EYS: variants seen among roughly 807,000 people sequenced by gnomAD.
The protein encoded by EYS is EGF-like photoreceptor maintenance factor.
In EYS, 250 loss-of-function variants were observed where a neutral mutation model predicts 282.1. That is an observed-to-expected ratio of 0.89 (90% CI 0.80 to 0.98). EYS has a LOEUF of 0.98. Ranked by LOEUF, EYS falls within the 50% of genes least tolerant of loss-of-function variation. The pLI is 0.00. For synonymous variants in EYS, 1,355 were observed against 1,282.9 expected, an observed-to-expected ratio of 1.06 and a Z score of -1.20; for missense variants, 4,016 against 3,709.0, an observed-to-expected ratio of 1.08 and a Z score of -2.15.
intron 33 of EYS, among the ~76,000 whole-genome samples, chr6:64,064,087 G>A (rs1316151464): frequency 6.6e-6 from 1 of 152,010 alleles, no homozygotes; most frequent in Non-Finnish European, 1.5e-5. Flanking sequence ...AAGCTCTTTG[G>A]TCTCTCTAGC....
intron 33 of EYS, among the ~76,000 whole-genome samples, chr6:64,032,236 C>T (rs1395507842): frequency 2.0e-5 from 3 of 152,010 alleles, no homozygotes; most frequent in Admixed American, 6.5e-5. Context: ...AATAAACTCC[C>T]GACGCACCAC....
Position 63,721,688 on chromosome 6 carries a change from A to G in EYS, c.8343T>C (p.Ser2781=), listed in dbSNP as rs1290840039. The change falls in exon 43 of 43, where the codon AGT becomes AGC. Residue 2781 remains serine, a synonymous_variant. Coordinates refer to ENST00000503581, the MANE Select transcript of EYS (RefSeq NM_001142800.2). ...ETLQKVTING[S]TWHIIKAGRV... is the part of the protein sequence containing the mutation. ...TTCCTGCTTTTATTATATGCCAAGT[A>G]CTTCCGTTTATAGTTACTTTTTGGA... The G allele has an allele frequency of 6.4e-7, 1 of 1,551,426 alleles. No individual in the cohort carries two copies. Among genetic ancestry groups the G allele is most frequent in the Non-Finnish European group, 8.7e-7 (1 of 1,146,764 alleles).
chr6:65,263,505 A>G (rs1259443042), intron 12 of EYS, among the ~76,000 whole-genome samples: 1 of 152,144 alleles, frequency 6.6e-6, no homozygotes, highest in Non-Finnish European at 1.5e-5. Context: ...CAGAAAATTA[A>G]TAAAAACTAA....
At chr6:65,701,671 AT>A (rs1300388984) in intron 1 of EYS, among the ~76,000 whole-genome samples, 2 of 151,620 alleles carry the variant, frequency 1.3e-5, no homozygotes, top group African/African-American at 2.4e-5. Context: ...TTATTTCTTG[AT>A]TTTTTTTCTC....
At chr6:64,420,300 G>T (rs534413851) in intron 28 of EYS, among the ~76,000 whole-genome samples, 1 of 152,204 alleles carries the variant, frequency 6.6e-6, no homozygotes, top group East Asian at 1.9e-4. Flanking sequence ...GGGGGAGCCT[G>T]GGCCTGGCCT....
chr6:64,204,328 C>T (rs1020134932), intron 31 of EYS, among the ~76,000 whole-genome samples: 10 of 152,092 alleles, frequency 6.6e-5, no homozygotes, highest in Non-Finnish European at 1.2e-4. Context: ...TAAAGTTAAA[C>T]GTAAACCTAC....
At chr6:63,987,364 A>T (rs908979986) in intron 34 of EYS, among the ~76,000 whole-genome samples, 15 of 151,654 alleles carry the variant, frequency 9.9e-5, no homozygotes, top group African/African-American at 3.6e-4. Context: ...CAATAAATTC[A>T]CTTCTCACAT....
intron 12 of EYS, among the ~76,000 whole-genome samples, chr6:65,213,927 G>A (rs1398599074): frequency 1.3e-5 from 2 of 151,964 alleles, no homozygotes; most frequent in African/African-American, 2.4e-5. Flanking sequence ...TTGGGAGGCC[G>A]AGGCAGGCAG....
intron 36 of EYS, among the ~76,000 whole-genome samples, chr6:63,820,342 G>C (rs1365112430): frequency 1.3e-5 from 2 of 152,094 alleles, no homozygotes; most frequent in Non-Finnish European, 2.9e-5. Flanking sequence ...CAATACTAAA[G>C]AGCTCTTTGA....
Position 65,004,095 on chromosome 6 carries a change from G to A in EYS, c.2138-6392C>T, listed in dbSNP as rs150085359. Among the ~76,000 whole-genome samples, 27 of 147,284 alleles carry A rather than the reference G, an allele frequency of 1.8e-4. 2 individuals are homozygous for A. The highest frequency in any genetic ancestry group is 3.2e-4 in the Non-Finnish European group (21 of 65,886). On this transcript the variant is annotated intron_variant, in intron 13 of 42. Coordinates refer to ENST00000503581, the MANE Select transcript of EYS (RefSeq NM_001142800.2). ...AGTGTGAGTGTGTGGGGTGATATATGTATAAAATAGGCTAAACTAATGTTA... is the reference window on the plus strand; with the variant it reads ...AGTGTGAGTGTGTGGGGTGATATATATATAAAATAGGCTAAACTAATGTTA...
intron 22 of EYS, among the ~76,000 whole-genome samples, chr6:64,714,779 GC>G (rs1257125103): frequency 5.9e-5 from 9 of 151,994 alleles, no homozygotes; most frequent in Non-Finnish European, 1.3e-4. Flanking sequence ...GCCTGCCTCG[GC>G]CTCCCAAAGT....
intron 35 of EYS, among the ~76,000 whole-genome samples, chr6:63,912,451 T>A (rs917970520): frequency 6.6e-6 from 1 of 152,206 alleles, no homozygotes; most frequent in Non-Finnish European, 1.5e-5. Flanking sequence ...TTGCAACATA[T>A]AATCAATATT....
chr6:64,291,045 CGGAGCGGG>C (rs1768688666), intron 30 of EYS, among the ~76,000 whole-genome samples: 3 of 120,950 alleles, frequency 2.5e-5, no homozygotes, highest in Non-Finnish European at 3.4e-5. Flanking sequence ...GTTTATATTA[CGGAGCGGG>C]TATATAAGCT....
intron 12 of EYS, among the ~76,000 whole-genome samples, chr6:65,253,225 T>C (rs1277909177): frequency 3.3e-5 from 5 of 152,012 alleles, no homozygotes; most frequent in African/African-American, 1.2e-4. Flanking sequence ...CTGTAGCTCT[T>C]GCTGTTGGAC....
intron 14 of EYS, among the ~76,000 whole-genome samples, chr6:64,996,769 C>G (rs1400938807): frequency 6.6e-6 from 1 of 152,210 alleles, no homozygotes; most frequent in Non-Finnish European, 1.5e-5. Flanking sequence ...AGTGCACTGA[C>G]AGTCAAAATA....
chr6:65,260,967 A>G (rs1404252469), intron 12 of EYS, among the ~76,000 whole-genome samples: 1 of 152,092 alleles, frequency 6.6e-6, no homozygotes, highest in East Asian at 1.9e-4. Flanking sequence ...TTTCTTGTCT[A>G]AAACCTAAAA....
In EYS at chr6:64,759,485, T is replaced by C. The variant is rs971002762; in HGVS notation, c.3443+53893A>G. ...AATAATGTGTCTATATAAAACAAAT[T>C]GTATAAGCAAAATCATCCTATTTTT... On this transcript the variant is annotated intron_variant, in intron 22 of 42. Coordinates refer to ENST00000503581, the MANE Select transcript of EYS (RefSeq NM_001142800.2). Among the ~76,000 whole-genome samples, 3 of 152,190 alleles carry C rather than the reference T, an allele frequency of 2.0e-5. No homozygotes were observed. The South Asian group carries it at 6.2e-4, about 31-fold the overall frequency.
chr6:64,709,018 A>G (rs995051630), intron 22 of EYS, among the ~76,000 whole-genome samples: 3 of 27,588 alleles, frequency 1.1e-4, no homozygotes, highest in Admixed American at 7.8e-4. Context: ...ACATGCACAC[A>G]TACACACACA....
chr6:64,041,501 G>A (rs905648977), intron 33 of EYS, among the ~76,000 whole-genome samples: 2 of 152,142 alleles, frequency 1.3e-5, no homozygotes, highest in African/African-American at 4.8e-5. Context: ...CCTTTAAAAA[G>A]AGAATCCAGA....
Sources: gnomAD v4.1 joint callset for allele counts (sites outside exome capture counted in the v4.1 genomes callset) on GRCh38, gnomAD v4.1.1 for gene constraint, MANE v1.5 for transcripts, NCBI Gene and HGNC (gene_info 2026-07-23, HGNC 2026-07-21) for gene names.